TTC5: variants seen among roughly 807,000 people sequenced by gnomAD.
TTC5 encodes the protein tetratricopeptide repeat domain 5.
TTC5 carries 46 observed loss-of-function variants against 57.4 expected under a neutral mutation model. The ratio of observed to expected loss-of-function variants is 0.80; its 90% CI spans 0.63 to 1.03. The LOEUF (loss-of-function observed/expected upper bound fraction) is 1.03, where lower values mean the gene tolerates loss of function less well. Ranked by LOEUF, TTC5 falls within the 50% of genes least tolerant of loss-of-function variation. The probability of loss-of-function intolerance (pLI) is 0.00; values close to 1 mark genes in which losing one functional copy is unlikely to be tolerated. For missense variants in TTC5, 504 were observed against 528.1 expected (o/e 0.95, Z 0.45); for synonymous variants, 190 against 203.5 (o/e 0.93, Z 0.57).
intron 1 of TTC5, among the ~76,000 whole-genome samples, chr14:20,302,857 C>T (rs1882218830): frequency 6.6e-6 from 1 of 152,048 alleles, no homozygotes; most frequent in Non-Finnish European, 1.5e-5. Flanking sequence ...TTACTTTCAG[C>T]CTATGTGTAT....
chr14:20,295,313 A>G lies in TTC5; in HGVS notation c.1057T>C (p.Phe353Leu). 7 of 1,613,716 alleles carry G rather than the reference A, an allele frequency of 4.3e-6. No individual in the cohort carries two copies. The highest frequency in any genetic ancestry group is 5.9e-6 in the Non-Finnish European group (7 of 1,179,582). The change falls in exon 8 of 10, where the codon TTT (phenylalanine) becomes CTT (leucine). Residue 353 changes from phenylalanine to leucine, a missense_variant and splice_region_variant. Phe to Leu is a conservative substitution (Grantham distance 22). Transcript: ENST00000258821. Reference protein sequence around the residue: ...FSLTTEEKVPFTFGLVDSDGP... With the variant: ...FSLTTEEKVPLTFGLVDSDGP... ...GGGGGAAATCCAAGAGAAACTCACA[A>G]GGGGACTTTCTCCTCTGTGGTGAGG...
chr14:20,289,601 T>A lies in TTC5; in HGVS notation c.*26A>T. On this transcript the variant is annotated 3_prime_UTR_variant, in exon 10 of 10. Transcript: ENST00000258821. ...CAGAGCCTTGTCTCCTCTCCTCCAC[T>A]CCCTGTTGAGCATGCAAGTCAAAGG... The A allele has an allele frequency of 1.2e-6, 2 of 1,603,010 alleles. No individual in the cohort carries two copies. The highest frequency in any genetic ancestry group is 2.2e-5 in the South Asian group (2 of 89,510).
Position 20,289,682 on chromosome 14 carries a change from T to G in TTC5, c.1268A>C (p.Gln423Pro), listed in dbSNP as rs1230063235. ...PLLLVVNGKP[Q>P]GSSSQAVATV... ...GGCAACAGCCTGGCTGCTGGATCCC[T>G]GAGGCTTCCCATTCACCACTAGCAG... Residue 423 changes from glutamine to proline, a missense_variant, in exon 10 of 10, where the codon CAG becomes CCG. By Grantham distance (76) the Gln-to-Pro change is moderately conservative. Transcript: ENST00000258821. The G allele has an allele frequency of 6.8e-6, 11 of 1,613,902 alleles. No homozygotes were observed. In the East Asian group the frequency reaches 2.5e-4, roughly 36 times the overall value.
Position 20,295,375 on chromosome 14 carries a change from T to C in TTC5, c.995A>G (p.Asn332Ser). The change falls in exon 8 of 10, where the codon AAC becomes AGC. Residue 332 changes from asparagine (N) to serine (S), a missense_variant. Asn to Ser is a conservative substitution (Grantham distance 46). Transcript: ENST00000258821. ...CTTTCCCAGGATGACGGCACCGCTG[T>C]TCACCCCAGGCTGAAGCGTACTCAG... is the stretch of plus-strand genomic sequence containing the variant. ...KPLSTLQPGV[N>S]SGAVILGKVV... The C allele has an allele frequency of 6.2e-7, 1 of 1,614,190 alleles. No homozygotes were observed. Among genetic ancestry groups the C allele is most frequent in the Non-Finnish European group, 8.5e-7 (1 of 1,180,038 alleles).
At chr14:20,303,021 G>T (rs1882223219) in intron 1 of TTC5, among the ~76,000 whole-genome samples, 1 of 151,846 alleles carries the variant, frequency 6.6e-6, no homozygotes, top group South Asian at 2.1e-4. Flanking sequence ...GTGAAACCCG[G>T]TCTCTACTAA....
chr14:20,295,177 G>T, intron 8 of TTC5, 135 bp downstream of exon 8: 2 of 758,508 alleles, frequency 2.6e-6, no homozygotes, highest in East Asian at 2.7e-5. Flanking sequence ...ATCTGCCCAC[G>T]GGATAGTCAC....
At position 20,301,951 on chromosome 14, in the gene TTC5, C is replaced by T. The variant is rs3742944; in HGVS notation, c.66G>A (p.Gln22=). 5.7e-4 allele frequency: 923 copies of T among 1,614,004 alleles called. 11 individuals are homozygous for T. The East Asian group carries it at 0.019, about 33-fold the overall frequency. ...ILQKLQELVD[Q]LYSFRDCYFE... Reference sequence around the variant, plus strand: ...AATAGCAGTCTCGAAATGAGTAGAGCTGATCCACGAGTTCCTAAAAAGTAT... The same window carrying T: ...AATAGCAGTCTCGAAATGAGTAGAGTTGATCCACGAGTTCCTAAAAAGTAT... The change falls in exon 2 of 10, where the codon CAG becomes CAA. Residue 22 remains glutamine (Q), a synonymous_variant. Coordinates refer to ENST00000258821, the MANE Select transcript of TTC5 (RefSeq NM_138376.3).
intron 3 of TTC5, chr14:20,300,358 T>A (rs1200854447): frequency 2.2e-6 from 1 of 445,518 alleles, no homozygotes; most frequent in Non-Finnish European, 4.0e-6. Context: ...TCCACAGGGA[T>A]CAGCTTAGCT....
intron 9 of TTC5, among the ~76,000 whole-genome samples, chr14:20,291,674 A>G (rs1311412450): frequency 6.6e-6 from 1 of 152,208 alleles, no homozygotes; most frequent in Non-Finnish European, 1.5e-5. Context: ...ATATAGATAT[A>G]TGTGTATATA....
Position 20,289,224 on chromosome 14 carries a change from A to G in TTC5, c.*403T>C, listed in dbSNP as rs74596138. ...AAAATAAAAATAAAAATTGCTAAAA[A>G]TAAAAGCCATTACAAAATTAAGCCC... On this transcript the variant is annotated 3_prime_UTR_variant, in exon 10 of 10. Transcript: ENST00000258821. 0.059 allele frequency: 9,143 copies of G among 153,892 alleles called. 394 individuals are homozygous for G. Among genetic ancestry groups the G allele is most frequent in the East Asian group, 0.14 (729 of 5,230 alleles). The allele number at this position is 153,892 out of a possible 1,614,324, so 9.5% of individuals were successfully genotyped here. A position where few individuals can be genotyped will look rare whatever the true frequency, so the allele number is the denominator to read the frequency against.
chr14:20,300,155 ATTTTTTTT>A (rs765208751), intron 3 of TTC5, among the ~76,000 whole-genome samples: 4 of 89,316 alleles, frequency 4.5e-5, no homozygotes, highest in African/African-American at 1.4e-4. Flanking sequence ...ATATATATAT[ATTTTTTTT>A]TTTTTTTTTT....
In TTC5 at chr14:20,287,524, G is replaced by C. The variant is rs920168379; in HGVS notation, c.*2103C>G. On this transcript the variant is annotated 3_prime_UTR_variant, in exon 10 of 10. Transcript: ENST00000258821. ...GTGAAGACAAATGAGATCATGGAGA[G>C]GTATGCAAGGGCTTCCAAGTTATCA... 6.6e-6 allele frequency: 1 copy of C among 152,182 alleles called. No individual in the cohort carries two copies. The highest frequency in any genetic ancestry group is 6.5e-5 in the Admixed American group (1 of 15,282). 9.4% of individuals were successfully genotyped at this position (152,182 alleles called of 1,614,324 possible). A position where few individuals can be genotyped will look rare whatever the true frequency, so the allele number is the denominator to read the frequency against.
intron 3 of TTC5, chr14:20,300,389 T>C: frequency 1.9e-6 from 1 of 521,348 alleles, no homozygotes; most frequent in Admixed American, 3.7e-5. Flanking sequence ...CTTCACTTCC[T>C]TTCTCCCCCT....
At chr14:20,300,988 A>C (rs767229623) in intron 2 of TTC5, among the ~76,000 whole-genome samples, 170 bp from the exon 3 acceptor site, 2 of 152,252 alleles carry the variant, frequency 1.3e-5, no homozygotes, top group Non-Finnish European at 2.9e-5. Flanking sequence ...ATGTTAGCTA[A>C]TTAGGCAACA....
chr14:20,300,892 C>T (rs1882176686), intron 2 of TTC5, 74 bp from the exon 3 acceptor site: 2 of 1,180,344 alleles, frequency 1.7e-6, no homozygotes, highest in African/African-American at 3.1e-5. Flanking sequence ...CAAAAAATAA[C>T]TACACGTCAG....
In TTC5 at chr14:20,296,450, T is replaced by C. The variant is rs767799772; in HGVS notation, c.640-4A>G. The C allele has an allele frequency of 9.3e-6, 15 of 1,608,886 alleles. No homozygotes were observed. The highest frequency in any genetic ancestry group is 1.0e-5 in the Non-Finnish European group (12 of 1,175,130). Reference sequence around the variant, plus strand: ...AAGCTTTTCTGTCAACTTTCTCCTATAATGGGATGAAAAGATTATCAGTGG... The same window carrying C: ...AAGCTTTTCTGTCAACTTTCTCCTACAATGGGATGAAAAGATTATCAGTGG... On this transcript the variant is annotated splice_region_variant and splice_polypyrimidine_tract_variant and intron_variant, in intron 5 of 9. Transcript: ENST00000258821.
chr14:20,295,288 G>T, intron 8 of TTC5, 24 bp downstream of exon 8: 3 of 1,608,976 alleles, frequency 1.9e-6, no homozygotes, highest in Non-Finnish European at 2.6e-6. Context: ...AGGGTAAAAT[G>T]GGGGAAATCC....
At chr14:20,290,682 CT>C (rs1881935102) in intron 9 of TTC5, among the ~76,000 whole-genome samples, 1 of 152,130 alleles carries the variant, frequency 6.6e-6, no homozygotes, top group Non-Finnish European at 1.5e-5. Flanking sequence ...ACCCAGGAGT[CT>C]ACATTAGAAA....
At position 20,301,827 on chromosome 14, in the gene TTC5, T is replaced by C; in HGVS notation, c.184+6A>G. ...ATGGGGGTTGTACAATCTCTAGGGC[T>C]CATACCCACTACTTCTTCCATCTGC... is the stretch of plus-strand genomic sequence containing the variant. On this transcript the variant is annotated splice_donor_region_variant and intron_variant, in intron 2 of 9. Coordinates refer to ENST00000258821, the MANE Select transcript of TTC5 (RefSeq NM_138376.3). The C allele has an allele frequency of 6.2e-7, 1 of 1,613,930 alleles. No individual in the cohort carries two copies. Among genetic ancestry groups the C allele is most frequent in the Non-Finnish European group, 8.5e-7 (1 of 1,179,898 alleles).
Sources: allele counts gnomAD v4.1 joint callset (sites outside exome capture counted in the v4.1 genomes callset), GRCh38; gene constraint gnomAD v4.1.1; transcripts MANE v1.5; gene names NCBI Gene and HGNC (gene_info 2026-07-23, HGNC 2026-07-21).